DENND3: variants seen among roughly 807,000 people sequenced by gnomAD.
DENND3 encodes DENN domain-containing protein 3.
A neutral mutation model predicts 135.1 loss-of-function variants in DENND3; 88 were observed. The ratio of observed to expected loss-of-function variants is 0.65; its 90% confidence interval spans 0.55 to 0.78. The LOEUF is 0.78. Ranked by LOEUF, DENND3 falls within the 30% of genes least tolerant of loss-of-function variation. The pLI is 0.00. For synonymous variants in DENND3, 693 were observed against 712.3 expected, an observed-to-expected ratio of 0.97 and a Z score of 0.43; for missense variants, 1,392 against 1,688.4, an observed-to-expected ratio of 0.82 and a Z score of 3.08.
chr8:141,160,824 TA>T, intron 9 of DENND3, 37 bp downstream of exon 9: 1 of 1,585,002 alleles, frequency 6.3e-7, no homozygotes, highest in South Asian at 1.1e-5. Context: ...CATGAGGAGG[TA>T]ACCAGCCAGC....
chr8:141,147,887 C>T (rs1818357252), intron 5 of DENND3, among the ~76,000 whole-genome samples: 2 of 152,212 alleles, frequency 1.3e-5, no homozygotes, highest in South Asian at 4.1e-4. Flanking sequence ...GCCTGCTGAT[C>T]TGCGTCCCGT....
At chr8:141,145,098 C>T (rs555022090) in intron 5 of DENND3, among the ~76,000 whole-genome samples, 8 of 152,330 alleles carry the variant, frequency 5.3e-5, no homozygotes, top group African/African-American at 1.9e-4. Flanking sequence ...GAGAGCCTGA[C>T]ACCTTTAAAG....
chr8:141,192,206 C>A (rs1167163711), intron 20 of DENND3, 125 bp from the exon 21 acceptor site: 9 of 1,349,314 alleles, frequency 6.7e-6, no homozygotes, highest in East Asian at 4.7e-5. Context: ...TCCTCAGGCG[C>A]CAGGTGGCAC....
At position 141,168,212 on chromosome 8, in the gene DENND3, G is replaced by A; in HGVS notation, c.1962G>A (p.Leu654=). 1 of 1,614,168 alleles carries A rather than the reference G, an allele frequency of 6.2e-7. No homozygotes were observed. The highest frequency in any genetic ancestry group is 8.5e-7 in the Non-Finnish European group (1 of 1,180,028). The part of the protein sequence containing the change: ...GLVYLMQGQL[L]NALLDFQNLY... ...TTTATCTGATGCAGGGACAGCTGCT[G>A]AACGCCCTCTTGGACTTCCAGAATC... Residue 654 remains leucine, a synonymous_variant, in exon 13 of 23, where the codon CTG becomes CTA. Coordinates refer to ENST00000519811, the MANE Select transcript of DENND3 (RefSeq NM_001352890.3). The surrounding 1 kb of genome is among the most constrained non-coding windows in gnomAD (Gnocchi z 6.2).
chr8:141,176,473 G>A, intron 14 of DENND3, 118 bp from the exon 15 acceptor site: 1 of 1,249,832 alleles, frequency 8.0e-7, no homozygotes, highest in South Asian at 1.3e-5. Flanking sequence ...ATGCCAGCAG[G>A]ATGCGTGCCT....
chr8:141,153,092 CTTTT>C (rs35650187), intron 7 of DENND3, among the ~76,000 whole-genome samples: 4 of 119,372 alleles, frequency 3.4e-5, no homozygotes, highest in Admixed American at 8.4e-5. Context: ...CAATATCTTT[CTTTT>C]TTTTTTTTTT....
At position 141,168,093 on chromosome 8, in the gene DENND3, G is replaced by A. The variant is rs2154613195; in HGVS notation, c.1843G>A (p.Ala615Thr). 6.2e-7 allele frequency: 1 copy of A among 1,614,170 alleles called. No homozygotes were observed. Residue 615 changes from alanine to threonine, a missense_variant, in exon 13 of 23, where the codon GCC (alanine) becomes ACC (threonine). By Grantham distance (58) the Ala-to-Thr change is moderately conservative. Coordinates refer to ENST00000519811, the MANE Select transcript of DENND3 (RefSeq NM_001352890.3). This position sits in a 1 kb window ranked among gnomAD's most constrained non-coding sequence, Gnocchi z 6.2. ...GAGCAAGTGCGTGCAGGCATACCAT[G>A]CCCACTTTGTCTCCATGCTGAGCGA... ...LESKCVQAYHAHFVSMLSEAM... is the reference protein window; with the variant it reads ...LESKCVQAYHTHFVSMLSEAM...
chr8:141,138,023 GGGTGTGTGCGT>G lies in DENND3; in HGVS notation c.390_400del (p.Val131HisfsTer2). ...TTCTCTGTCTCTTTCTGCCTGCAGGGGGTGTGTGCGTGGCCACTGAACCTAAGGAGGATTGC... is the reference window on the plus strand; with the variant it reads ...TTCTCTGTCTCTTTCTGCCTGCAGGGGGCCACTGAACCTAAGGAGGATTGC... On this transcript the variant is annotated frameshift_variant and splice_region_variant, in exon 3 of 23. Coordinates refer to ENST00000519811, the MANE Select transcript of DENND3 (RefSeq NM_001352890.3). LOFTEE classifies it high-confidence loss of function. The surrounding 1 kb of genome is among the most constrained non-coding windows in gnomAD (Gnocchi z 4.8). 6.3e-7 allele frequency: 1 copy of G among 1,595,830 alleles called. No individual in the cohort carries two copies.
intron 19 of DENND3, among the ~76,000 whole-genome samples, 162 bp from the exon 20 acceptor site, chr8:141,190,122 C>T (rs1045494208): frequency 1.9e-4 from 21 of 113,506 alleles, no homozygotes; most frequent in African/African-American, 3.2e-4. Flanking sequence ...TTGCAGGTTA[C>T]GTTTGCAGGT....
Position 141,165,167 on chromosome 8 carries a change from G to GC in DENND3, c.1450-15dup. On this transcript the variant is annotated intron_variant, in intron 10 of 22. Transcript: ENST00000519811. ...GGGAGTCGGCACAGCCCAGTGACCA[G>GC]CCCCTCTCTCTTTTCCAGGTCTTAG... 1.9e-6 allele frequency: 3 copies of GC among 1,604,566 alleles called. No homozygotes were observed. The highest frequency in any genetic ancestry group is 2.6e-6 in the Non-Finnish European group (3 of 1,171,530).
intron 8 of DENND3, among the ~76,000 whole-genome samples, chr8:141,158,889 T>TCTC (rs1394979953): frequency 6.6e-6 from 1 of 152,170 alleles, no homozygotes; most frequent in Admixed American, 6.5e-5. Context: ...GATGGCCATC[T>TCTC]CCTTCAGACC....
chr8:141,164,335 C>A (rs1018095732), intron 10 of DENND3, among the ~76,000 whole-genome samples: 1 of 152,246 alleles, frequency 6.6e-6, no homozygotes, highest in Non-Finnish European at 1.5e-5. Flanking sequence ...AAAATAATCA[C>A]CTTGGGGGCT....
At chr8:141,186,182 C>T (rs1327955824) in intron 18 of DENND3, among the ~76,000 whole-genome samples, 1 of 152,124 alleles carries the variant, frequency 6.6e-6, no homozygotes, top group Non-Finnish European at 1.5e-5. Flanking sequence ...TGTACTGCAG[C>T]ACTAAGGTTC....
rs1820816600 is a variant in DENND3 at position 141,166,494 on chromosome 8, T to C, written c.1753+105T>C. ...CTTGTTTCAGGAGAGACGAGTGGGC[T>C]TGTTTTAGCAGCTGAGTTATTTGAA... is the stretch of plus-strand genomic sequence containing the variant. On this transcript the variant is annotated intron_variant, in intron 12 of 22. Coordinates refer to ENST00000519811, the MANE Select transcript of DENND3 (RefSeq NM_001352890.3). This position sits in a 1 kb window ranked among gnomAD's most constrained non-coding sequence, Gnocchi z 4.3. 1.7e-6 allele frequency: 2 copies of C among 1,190,100 alleles called. No individual in the cohort carries two copies. The highest frequency in any genetic ancestry group is 1.2e-6 in the Non-Finnish European group (1 of 859,672). 73.7% of individuals were successfully genotyped at this position (1,190,100 alleles called of 1,614,324 possible). A position where few individuals can be genotyped will look rare whatever the true frequency, so the allele number is the denominator to read the frequency against.
chr8:141,152,689 C>T (rs1037723282), intron 7 of DENND3, among the ~76,000 whole-genome samples: 1 of 152,140 alleles, frequency 6.6e-6, no homozygotes, highest in Non-Finnish European at 1.5e-5. Flanking sequence ...TTGTTTCCAC[C>T]TTTTGGCTGC....
At chr8:141,149,781 C>T (rs999548701) in intron 5 of DENND3, among the ~76,000 whole-genome samples, 3 of 152,250 alleles carry the variant, frequency 2.0e-5, no homozygotes, top group Non-Finnish European at 4.4e-5. Context: ...ATTCCTTTTT[C>T]TCATCAACAT....
rs1824520390 is a variant in DENND3 at position 141,190,136 on chromosome 8, T to G, written c.3246-148T>G. The G allele has an allele frequency of 9.3e-6, 10 of 1,080,290 alleles. No individual in the cohort carries two copies. The South Asian group carries it at 2.6e-4, about 28-fold the overall frequency. 66.9% of individuals were successfully genotyped at this position (1,080,290 alleles called of 1,614,324 possible). ...TTTGCAGGTTACGTTTGCAGGTTAT[T>G]ATGTTTGCATGTTATTATCATGTTT... On this transcript the variant is annotated intron_variant, in intron 19 of 22. Coordinates refer to ENST00000519811, the MANE Select transcript of DENND3 (RefSeq NM_001352890.3).
In DENND3 at chr8:141,137,764, T is replaced by C. The variant is rs1306386454; in HGVS notation, c.386-258T>C. The stretch of plus-strand genomic sequence containing the variant: ...TTATAAACCTGGGACAGGCGCCAGG[T>C]GGGCGGCTGTGCCCAGCAAGCACTG... On this transcript the variant is annotated intron_variant, in intron 2 of 22. Coordinates refer to ENST00000519811, the MANE Select transcript of DENND3 (RefSeq NM_001352890.3). The surrounding 1 kb of genome is among the most constrained non-coding windows in gnomAD (Gnocchi z 4.1). Among the ~76,000 whole-genome samples the C allele has an allele frequency of 6.6e-6, 1 of 152,220 alleles. No individual in the cohort carries two copies. The highest frequency in any genetic ancestry group is 1.5e-5 in the Non-Finnish European group (1 of 68,036).
chr8:141,187,215 A>T (rs1232262045), intron 18 of DENND3, among the ~76,000 whole-genome samples: 1 of 151,226 alleles, frequency 6.6e-6, no homozygotes, highest in East Asian at 1.9e-4. Context: ...AGAACACTCC[A>T]GTGGAGTATA....
Sources: gnomAD v4.1 joint callset for allele counts (sites outside exome capture counted in the v4.1 genomes callset) on GRCh38, gnomAD v4.1.1 for gene constraint, Gnocchi (gnomAD v3.1) non-coding constraint, MANE v1.5 for transcripts, NCBI Gene and HGNC (gene_info 2026-07-23, HGNC 2026-07-21) for gene names.